Variants in NRXN1 observed in about 807,000 individuals in gnomAD.
NRXN1 encodes neurexin-1.
Under a neutral mutation model 150.9 loss-of-function variants are expected in NRXN1, and 39 were observed. The observed-to-expected ratio is 0.26, with a 90% CI of 0.20 to 0.34. The LOEUF (loss-of-function observed/expected upper bound fraction) is 0.34. NRXN1 is among the 10% of genes least tolerant of loss of function. NRXN1 has a pLI of 1.00. For missense variants in NRXN1, 1,815 were observed against 1,949.9 expected, an observed-to-expected ratio of 0.93 and a Z score of 1.30; for synonymous variants, 924 against 757.0, an observed-to-expected ratio of 1.22 and a Z score of -3.62.
intron 8 of NRXN1, among the ~76,000 whole-genome samples, chr2:50,618,050 G>C (rs575959489): frequency 1.3e-5 from 2 of 152,178 alleles, no homozygotes; most frequent in Non-Finnish European, 1.5e-5. Flanking sequence ...ATTTCTGCTA[G>C]AGTTCCCTCG....
chr2:50,524,336 A>G (rs1242347505), intron 12 of NRXN1, among the ~76,000 whole-genome samples: 1 of 151,916 alleles, frequency 6.6e-6, no homozygotes, highest in Non-Finnish European at 1.5e-5. Context: ...AAAATTAGCC[A>G]GGCATGCTGG....
At chr2:50,594,405 T>A (rs943228889) in intron 8 of NRXN1, among the ~76,000 whole-genome samples, 2 of 152,140 alleles carry the variant, frequency 1.3e-5, no homozygotes, top group African/African-American at 4.8e-5. Context: ...AAAATCAACA[T>A]GCACATCAGC....
At chr2:49,934,291 A>G (rs1316288902) in intron 22 of NRXN1, among the ~76,000 whole-genome samples, 1 of 152,150 alleles carries the variant, frequency 6.6e-6, no homozygotes, top group Non-Finnish European at 1.5e-5. Context: ...CTGCTCTGGA[A>G]TTGCACAGTG....
At chr2:50,726,893 G>A (rs1486631965) in intron 5 of NRXN1, among the ~76,000 whole-genome samples, 2 of 152,014 alleles carry the variant, frequency 1.3e-5, no homozygotes, top group Admixed American at 1.3e-4. Flanking sequence ...AAATAAACAA[G>A]TAACTGAATC....
chr2:50,421,482 C>A (rs2083994528), intron 17 of NRXN1, among the ~76,000 whole-genome samples: 1 of 152,090 alleles, frequency 6.6e-6, no homozygotes, highest in Non-Finnish European at 1.5e-5. Flanking sequence ...AAGAATCATT[C>A]TGTATAGTTA....
At chr2:50,797,017 C>G (rs774768565) in intron 5 of NRXN1, among the ~76,000 whole-genome samples, 1 of 152,136 alleles carries the variant, frequency 6.6e-6, no homozygotes, top group East Asian at 1.9e-4. Context: ...GGCAAGACAG[C>G]TCCCTTCTTT....
intron 5 of NRXN1, among the ~76,000 whole-genome samples, chr2:50,676,037 T>A (rs902172398): frequency 1.3e-5 from 2 of 152,118 alleles, no homozygotes; most frequent in Non-Finnish European, 2.9e-5. Context: ...TCCAAAGTTG[T>A]AGGTGGGCCT....
At position 51,028,316 on chromosome 2, in the gene NRXN1, G is replaced by T; in HGVS notation, c.-43C>A. 2 of 1,321,080 alleles carry T rather than the reference G, an allele frequency of 1.5e-6. No homozygotes were observed. The allele number at this position is 1,321,080 out of a possible 1,614,324, so 81.8% of individuals were successfully genotyped here. ...GGCGGGGGGGTGCCGGGGCCGACAG[G>T]GTCAAAATGGTCCTGGACACCGTGA... On this transcript the variant is annotated 5_prime_UTR_variant, in exon 2 of 23. Transcript: ENST00000401669.
At chr2:50,878,120 G>C (rs1036440417) in intron 5 of NRXN1, among the ~76,000 whole-genome samples, 1 of 151,732 alleles carries the variant, frequency 6.6e-6, no homozygotes, top group African/African-American at 2.4e-5. Flanking sequence ...AAGAAATCTG[G>C]GCAAAACAGT....
intron 8 of NRXN1, chr2:50,589,464 C>A (rs1673760815): frequency 1.3e-5 from 2 of 150,488 alleles, no homozygotes; most frequent in Admixed American, 1.3e-4. Flanking sequence ...TCAAGTGAGC[C>A]TCTCTCCTCA....
chr2:50,466,385 TA>T, intron 16 of NRXN1: 1 of 429,702 alleles, frequency 2.3e-6, no homozygotes. Flanking sequence ...TGCAGAAATG[TA>T]AAATATGTTA....
chr2:50,580,369 G>A (rs1012414220), intron 8 of NRXN1, among the ~76,000 whole-genome samples: 23 of 152,074 alleles, frequency 1.5e-4, no homozygotes, highest in African/African-American at 5.3e-4. Context: ...GGGTTTCAAC[G>A]TGTTTCAAAA....
chr2:50,075,472 C>T (rs187328798), intron 19 of NRXN1, among the ~76,000 whole-genome samples: 76 of 152,222 alleles, frequency 5.0e-4, no homozygotes, highest in Non-Finnish European at 2.9e-5. Context: ...AAACTGAACA[C>T]CTTATCATAA....
intron 8 of NRXN1, among the ~76,000 whole-genome samples, chr2:50,580,170 A>G (rs1672039423): frequency 6.6e-6 from 1 of 152,176 alleles, no homozygotes; most frequent in Admixed American, 6.5e-5. Context: ...GCACACCCAT[A>G]TTTTAAAAGA....
At chr2:50,573,578 TA>T (rs1377263751) in intron 8 of NRXN1, among the ~76,000 whole-genome samples, 1 of 152,034 alleles carries the variant, frequency 6.6e-6, no homozygotes, top group Admixed American at 6.6e-5. Flanking sequence ...TCAAATATGA[TA>T]TTTTTATCCA....
intron 21 of NRXN1, among the ~76,000 whole-genome samples, chr2:49,962,951 C>CTAAA (rs113862669): frequency 0.01 from 1,492 of 148,488 alleles, 11 homozygotes; most frequent in Middle Eastern, 0.027. Context: ...GAGCCTGCCT[C>CTAAA]TAAATAAATA....
intron 5 of NRXN1, among the ~76,000 whole-genome samples, chr2:50,848,283 C>A (rs769110382): frequency 6.6e-6 from 1 of 152,156 alleles, no homozygotes; most frequent in Admixed American, 6.5e-5. Flanking sequence ...ATTTCAGAAG[C>A]TGGATTGAAA....
intron 8 of NRXN1, among the ~76,000 whole-genome samples, chr2:50,583,438 C>A (rs368109761): frequency 2.0e-5 from 3 of 152,204 alleles, no homozygotes; most frequent in Non-Finnish European, 4.4e-5. Context: ...GGGATTCTTA[C>A]AGCACCAAGG....
chr2:50,751,096 A>C (rs971671344), intron 5 of NRXN1, among the ~76,000 whole-genome samples: 10 of 152,002 alleles, frequency 6.6e-5, no homozygotes, highest in Non-Finnish European at 1.0e-4. Context: ...GATTCTCTCC[A>C]GGACATGGGT....
Sources: allele counts gnomAD v4.1 joint callset (sites outside exome capture counted in the v4.1 genomes callset), GRCh38; gene constraint gnomAD v4.1.1; transcripts MANE v1.5; gene names NCBI Gene and HGNC (gene_info 2026-07-23, HGNC 2026-07-21).